DYNC2H1: variants seen among roughly 807,000 people sequenced by gnomAD.
The protein encoded by DYNC2H1 is cytoplasmic dynein 2 heavy chain 1.
A neutral mutation model predicts 570.0 loss-of-function variants in DYNC2H1; 410 were observed. That is an observed-to-expected ratio of 0.72 (90% CI 0.66 to 0.78). The LOEUF is 0.78. Ranked by LOEUF, DYNC2H1 falls within the 30% of genes least tolerant of loss-of-function variation. The pLI is 0.00. For synonymous variants in DYNC2H1, 1,688 were observed against 1,677.6 expected (o/e 1.01, Z -0.15); for missense variants, 4,865 against 5,046.4 (o/e 0.96, Z 1.09).
At chr11:103,269,524 A>G (rs113104486) in intron 70 of DYNC2H1, among the ~76,000 whole-genome samples, 1 of 152,218 alleles carries the variant, frequency 6.6e-6, no homozygotes, top group Non-Finnish European at 1.5e-5. Context: ...AGGATTATTA[A>G]TATTCACATC....
At position 103,321,147 on chromosome 11, in the gene DYNC2H1, T is replaced by C. The variant is rs780761971; in HGVS notation, c.11844T>C (p.Phe3948=). The C allele has an allele frequency of 1.1e-5, 18 of 1,612,068 alleles. No individual in the cohort carries two copies. Among genetic ancestry groups the C allele is most frequent in the Non-Finnish European group, 4.2e-6 (5 of 1,178,982 alleles). The stretch of plus-strand genomic sequence containing the variant: ...TTCAGTCATACCTGAAGCAGTTTTT[T>C]AATTCTTCAGTTATTGATGTATTCA... ...RVLQSYLKQF[F]NSSVIDVFNQ... Residue 3948 remains phenylalanine, a synonymous_variant, in exon 81 of 89, where the codon TTT becomes TTC. Coordinates refer to ENST00000375735, the MANE Select transcript of DYNC2H1 (RefSeq NM_001377.3).
At chr11:103,391,883 C>T (rs1207477888) in intron 83 of DYNC2H1, among the ~76,000 whole-genome samples, 6 of 150,326 alleles carry the variant, frequency 4.0e-5, no homozygotes, top group African/African-American at 4.8e-5. Flanking sequence ...GGTACCCAGC[C>T]GTGTGAGGTG....
intron 69 of DYNC2H1, among the ~76,000 whole-genome samples, 192 bp from the exon 70 acceptor site, chr11:103,259,696 T>C (rs1408454100): frequency 2.6e-5 from 4 of 152,310 alleles, no homozygotes; most frequent in South Asian, 4.1e-4. Flanking sequence ...TTTAACTCTA[T>C]ACATTAAAGA....
Position 103,129,391 on chromosome 11 carries a change from G to C in DYNC2H1, c.1953+386G>C, listed in dbSNP as rs1413746234. ...TGGTTATTTAAATGTCTGTATATAA[G>C]AAATTAGGAGGCTGGGTGCAGTGGC... is the stretch of plus-strand genomic sequence containing the variant. On this transcript the variant is annotated intron_variant, in intron 13 of 88. Transcript: ENST00000375735. This position sits in a 1 kb window ranked among gnomAD's most constrained non-coding sequence, Gnocchi z 4.1. Among the ~76,000 whole-genome samples, 1 of 152,052 alleles carries C rather than the reference G, an allele frequency of 6.6e-6. No individual in the cohort carries two copies. The highest frequency in any genetic ancestry group is 1.5e-5 in the Non-Finnish European group (1 of 68,002).
rs1246023739 is a variant in DYNC2H1 at position 103,255,474 on chromosome 11, A to C, written c.10266A>C (p.Leu3422=). 6.4e-7 allele frequency: 1 copy of C among 1,570,084 alleles called. No homozygotes were observed. The change falls in exon 67 of 89, where the codon CTA becomes CTC. Residue 3422 remains leucine, a synonymous_variant. Coordinates refer to ENST00000375735, the MANE Select transcript of DYNC2H1 (RefSeq NM_001377.3). ...ATTTAGAAGAACAGAAAACAAAACT[A>C]TTACAACAGGAAGAAGATAAGAAAA... is the stretch of plus-strand genomic sequence containing the variant. ...KPDLEEQKTK[L]LQQEEDKKIQ...
intron 84 of DYNC2H1, chr11:103,407,384 A>C (rs1249816321): frequency 7.4e-6 from 1 of 135,312 alleles, no homozygotes; most frequent in African/African-American, 2.9e-5. Context: ...TAGTTCTAGA[A>C]ATAAGAGGAT....
intron 6 of DYNC2H1, 82 bp from the exon 7 acceptor site, chr11:103,120,365 G>A (rs1312702030): frequency 1.6e-6 from 2 of 1,252,958 alleles, no homozygotes; most frequent in African/African-American, 3.0e-5. Flanking sequence ...AGAAATTCTT[G>A]CCCAATATAT....
intron 73 of DYNC2H1, among the ~76,000 whole-genome samples, 179 bp downstream of exon 73, chr11:103,283,264 C>A: frequency 6.6e-6 from 1 of 152,144 alleles, no homozygotes; most frequent in Non-Finnish European, 1.5e-5. Context: ...AATTATTAAA[C>A]CTTTCATTTA....
At chr11:103,121,306 C>T (rs1472919484) in intron 9 of DYNC2H1, 66 bp from the exon 10 acceptor site, 55 of 1,500,326 alleles carry the variant, frequency 3.7e-5, no homozygotes, top group South Asian at 7.9e-5. Flanking sequence ...GTGCTTGGTA[C>T]GTGGAAGTTA....
At chr11:103,382,006 G>A (rs1428314538) in intron 83 of DYNC2H1, among the ~76,000 whole-genome samples, 1 of 152,090 alleles carries the variant, frequency 6.6e-6, no homozygotes, top group Non-Finnish European at 1.5e-5. Context: ...ATACTGAAAA[G>A]TATAACACCC....
intron 17 of DYNC2H1, among the ~76,000 whole-genome samples, chr11:103,136,417 T>C (rs1290707846): frequency 1.3e-5 from 2 of 150,494 alleles, no homozygotes; most frequent in Non-Finnish European, 3.0e-5. Context: ...GATGTTCCTT[T>C]TCCTGTGTCC....
rs1277059672 is a variant in DYNC2H1, at chr11:103,325,532, C to A, written c.12039+1542C>A. On this transcript the variant is annotated intron_variant, in intron 82 of 88. Coordinates refer to ENST00000375735, the MANE Select transcript of DYNC2H1 (RefSeq NM_001377.3). This position sits in a 1 kb window ranked among gnomAD's most constrained non-coding sequence, Gnocchi z 4.8. ...TCGTCAGATTGTTGTAGGTGTGTAG[C>A]TTTATTTCTAGGCCCTCTATTCTGT... Among the ~76,000 whole-genome samples, 1 of 152,158 alleles carries A rather than the reference C, an allele frequency of 6.6e-6. No individual in the cohort carries two copies. The highest frequency in any genetic ancestry group is 2.4e-5 in the African/African-American group (1 of 41,432).
intron 81 of DYNC2H1, among the ~76,000 whole-genome samples, chr11:103,321,678 T>G (rs1938210013): frequency 6.6e-6 from 1 of 152,126 alleles, no homozygotes; most frequent in Admixed American, 6.5e-5. Context: ...TAAAATGAAT[T>G]TACTTTGTTT....
chr11:103,120,547 G>A lies in DYNC2H1; in HGVS notation c.1100G>A (p.Gly367Asp), dbSNP rs1199388013. Reference protein sequence around the residue: ...CLTRVFEPFTGLNPVQYNPYT... With the variant: ...CLTRVFEPFTDLNPVQYNPYT... Reference sequence around the variant, plus strand: ...ACTCGAGTATTTGAACCTTTTACTGGCCTGAATCCTGTGCAATATAATCCA... The same window carrying A: ...ACTCGAGTATTTGAACCTTTTACTGACCTGAATCCTGTGCAATATAATCCA... The change falls in exon 7 of 89, where the codon GGC (glycine) becomes GAC (aspartate). Residue 367 changes from glycine (G) to aspartate (D), a missense_variant. Physicochemically the swap from Gly to Asp is moderately conservative, Grantham distance 94. Transcript: ENST00000375735. The A allele has an allele frequency of 1.2e-6, 2 of 1,612,864 alleles. No homozygotes were observed. Among genetic ancestry groups the A allele is most frequent in the South Asian group, 1.1e-5 (1 of 90,928 alleles).
chr11:103,113,701 G>C lies in DYNC2H1; in HGVS notation c.360G>C (p.Leu120Phe). Residue 120 changes from leucine (L) to phenylalanine (F), a missense_variant, in exon 2 of 89, where the codon TTG (leucine) becomes TTC (phenylalanine). By Grantham distance (22) the Leu-to-Phe change is conservative (BLOSUM62 0). This residue lies in a region of DYNC2H1 where 1,936 missense variants were observed against 1,962.1 expected (regional missense o/e 0.99). Transcript: ENST00000375735. ...TACGGCAAGTATTCGCACCAATGTTGTTAAAGGTGAGAAAAGAAGCTGTCA... is the reference window on the plus strand; with the variant it reads ...TACGGCAAGTATTCGCACCAATGTTCTTAAAGGTGAGAAAAGAAGCTGTCA... ...QAVRQVFAPM[L>F]LKDQEWSRNF... The C allele has an allele frequency of 6.6e-7, 1 of 1,510,670 alleles. No individual in the cohort carries two copies. Among genetic ancestry groups the C allele is most frequent in the African/African-American group, 1.5e-5 (1 of 68,960 alleles). 93.6% of individuals were successfully genotyped at this position (1,510,670 alleles called of 1,614,324 possible).
At chr11:103,287,711 T>C in intron 75 of DYNC2H1, 106 bp downstream of exon 75, 1 of 889,944 alleles carries the variant, frequency 1.1e-6, no homozygotes, top group Non-Finnish European at 1.7e-6. Context: ...ATAATGTCTC[T>C]TTTATTCATT....
chr11:103,459,290 C>T (rs1944913622), intron 87 of DYNC2H1, among the ~76,000 whole-genome samples: 1 of 99,158 alleles, frequency 1.0e-5, no homozygotes, highest in African/African-American at 4.3e-5. Context: ...GCCTGGGCGA[C>T]AGAGCGAGAC....
In DYNC2H1 at chr11:103,235,831, C is replaced by T. The variant is rs1276779247; in HGVS notation, c.9709+18C>T. 3 of 1,608,558 alleles carry T rather than the reference C, an allele frequency of 1.9e-6. No individual in the cohort carries two copies. The highest frequency in any genetic ancestry group is 1.7e-6 in the Non-Finnish European group (2 of 1,176,790). On this transcript the variant is annotated intron_variant, in intron 62 of 88. Coordinates refer to ENST00000375735, the MANE Select transcript of DYNC2H1 (RefSeq NM_001377.3). ...TCTTGAGAGTTTGTATTTAGTTATT[C>T]CTGATCTTGAGAGTTTGTATTTAGT...
At chr11:103,416,667 G>GT (rs1169309574) in intron 84 of DYNC2H1, among the ~76,000 whole-genome samples, 1 of 152,044 alleles carries the variant, frequency 6.6e-6, no homozygotes, top group Non-Finnish European at 1.5e-5. Context: ...CTCAATATGG[G>GT]TTAAAAACTT....
Sources: allele counts gnomAD v4.1 joint callset (sites outside exome capture counted in the v4.1 genomes callset), GRCh38; gene constraint gnomAD v4.1.1; regional missense constraint gnomAD v4.1.1; non-coding constraint Gnocchi (gnomAD v3.1); transcripts MANE v1.5; gene names NCBI Gene and HGNC (gene_info 2026-07-23, HGNC 2026-07-21).